ADGRL3: variants seen among roughly 807,000 people sequenced by gnomAD.
The protein encoded by ADGRL3 is adhesion G protein-coupled receptor L3.
In ADGRL3, 62 loss-of-function variants were observed where a neutral mutation model predicts 153.5. The ratio of observed to expected loss-of-function variants is 0.40; its 90% CI spans 0.33 to 0.50. The LOEUF (loss-of-function observed/expected upper bound fraction) is 0.50, where lower values mean the gene tolerates loss of function less well. Ranked by LOEUF, ADGRL3 falls within the 20% of genes least tolerant of loss-of-function variation. The pLI is 0.47. For synonymous variants in ADGRL3, 710 were observed against 672.5 expected, an observed-to-expected ratio of 1.06 and a Z score of -0.86; for missense variants, 1,641 against 1,859.4, an observed-to-expected ratio of 0.88 and a Z score of 2.16.
At chr4:61,318,431 A>G (rs2095282176) in intron 1 of ADGRL3, among the ~76,000 whole-genome samples, 1 of 152,100 alleles carries the variant, frequency 6.6e-6, no homozygotes, top group African/African-American at 2.4e-5. Flanking sequence ...AAAGGGCTAT[A>G]ATATCTGCCT....
chr4:61,840,646 G>A (rs1297079618), intron 9 of ADGRL3, among the ~76,000 whole-genome samples: 1 of 152,044 alleles, frequency 6.6e-6, no homozygotes, highest in African/African-American at 2.4e-5. Flanking sequence ...AAATGTATTT[G>A]TTTGTTTGTT....
rs1274721297 is a variant in ADGRL3 at position 62,076,210 on chromosome 4, A to G, written c.*5302A>G. Reference sequence around the variant, plus strand: ...AGCACTTCTTTCACATCTAGCACCTATAAGTTACTATTCAAATGTCTTGAT... The same window carrying G: ...AGCACTTCTTTCACATCTAGCACCTGTAAGTTACTATTCAAATGTCTTGAT... On this transcript the variant is annotated 3_prime_UTR_variant, in exon 27 of 27. Coordinates refer to ENST00000683033, the MANE Select transcript of ADGRL3 (RefSeq NM_001387552.1). The G allele has an allele frequency of 3.9e-5, 6 of 152,256 alleles. No individual in the cohort carries two copies. The East Asian group carries it at 7.7e-4, about 20-fold the overall frequency. The allele number at this position is 152,256 out of a possible 1,614,324, so 9.4% of individuals were successfully genotyped here. A position where few individuals can be genotyped will look rare whatever the true frequency, so the allele number is the denominator to read the frequency against.
intron 4 of ADGRL3, among the ~76,000 whole-genome samples, chr4:61,576,760 C>T (rs991220223): frequency 2.0e-5 from 3 of 151,424 alleles, no homozygotes; most frequent in Non-Finnish European, 4.4e-5. Flanking sequence ...CTTCTAGTTG[C>T]TACAAACATG....
At chr4:61,571,262 G>T (rs1354727975) in intron 4 of ADGRL3, among the ~76,000 whole-genome samples, 1 of 151,580 alleles carries the variant, frequency 6.6e-6, no homozygotes, top group African/African-American at 2.4e-5. Flanking sequence ...ATCATTTGGG[G>T]CCAGGAGTTT....
chr4:62,062,254 ATC>A (rs769590772), intron 25 of ADGRL3, among the ~76,000 whole-genome samples: 2 of 151,952 alleles, frequency 1.3e-5, no homozygotes, highest in African/African-American at 4.8e-5. Flanking sequence ...TCCATGAAAT[ATC>A]TGTTTATGCT....
chr4:61,551,727 A>C (rs1385299770), intron 4 of ADGRL3, among the ~76,000 whole-genome samples: 2 of 152,166 alleles, frequency 1.3e-5, no homozygotes, highest in African/African-American at 4.8e-5. Flanking sequence ...GTCACAACTG[A>C]ATTTCTGCAA....
At chr4:61,580,700 T>C (rs935664134) in intron 4 of ADGRL3, among the ~76,000 whole-genome samples, 1 of 152,048 alleles carries the variant, frequency 6.6e-6, no homozygotes, top group African/African-American at 2.4e-5. Context: ...GCTTCCAAGG[T>C]GCCTCTCTCA....
At chr4:61,221,333 A>G (rs1392289185) in intron 1 of ADGRL3, among the ~76,000 whole-genome samples, 2 of 152,194 alleles carry the variant, frequency 1.3e-5, no homozygotes, top group African/African-American at 4.8e-5. Context: ...TGTATGAACT[A>G]GGACTCAGTG....
intron 4 of ADGRL3, among the ~76,000 whole-genome samples, chr4:61,535,152 G>A (rs2098647747): frequency 6.6e-6 from 1 of 151,922 alleles, no homozygotes; most frequent in Admixed American, 6.6e-5. Flanking sequence ...ACCAAGAAGG[G>A]ATGTTGGATA....
chr4:61,361,874 C>T lies in ADGRL3; in HGVS notation c.-239-21250C>T, dbSNP rs1292053682. 2.0e-5 allele frequency among the ~76,000 whole-genome samples: 3 copies of T among 146,458 alleles called. No individual in the cohort carries two copies. The East Asian group carries it at 6.0e-4, about 29-fold the overall frequency. On this transcript the variant is annotated intron_variant, in intron 1 of 26. Coordinates refer to ENST00000683033, the MANE Select transcript of ADGRL3 (RefSeq NM_001387552.1). The stretch of plus-strand genomic sequence containing the variant: ...TAAAGTATAAAACATGTATACTCAA[C>T]CATAAAATTGAAGAAAAATATTTAG...
chr4:61,991,816 CCTT>C (rs1484742408), intron 19 of ADGRL3, among the ~76,000 whole-genome samples: 1 of 150,558 alleles, frequency 6.6e-6, no homozygotes, highest in Non-Finnish European at 1.5e-5. Flanking sequence ...TCTCTTCTGT[CCTT>C]CTTTTTTGCC....
At chr4:61,434,469 C>T (rs1286703561) in intron 2 of ADGRL3, among the ~76,000 whole-genome samples, 3 of 151,926 alleles carry the variant, frequency 2.0e-5, no homozygotes, top group Non-Finnish European at 4.4e-5. Context: ...TGGTATTTGA[C>T]TATGAAATTC....
intron 5 of ADGRL3, among the ~76,000 whole-genome samples, chr4:61,651,372 A>G (rs2094242039): frequency 6.6e-6 from 1 of 152,112 alleles, no homozygotes. Context: ...ATTATTTCCT[A>G]AATCAAAAAT....
At chr4:61,505,183 G>A (rs564091868) in intron 3 of ADGRL3, among the ~76,000 whole-genome samples, 1 of 152,196 alleles carries the variant, frequency 6.6e-6, no homozygotes, top group South Asian at 2.1e-4. Flanking sequence ...GTTATAATTT[G>A]CACTTCTCTG....
intron 4 of ADGRL3, among the ~76,000 whole-genome samples, chr4:61,539,373 G>C (rs1381326858): frequency 6.6e-6 from 1 of 152,172 alleles, no homozygotes; most frequent in African/African-American, 2.4e-5. Context: ...CTGGTTATCA[G>C]TACAATTGAC....
chr4:61,894,047 A>G (rs931721157), intron 10 of ADGRL3, among the ~76,000 whole-genome samples: 1 of 152,104 alleles, frequency 6.6e-6, no homozygotes, highest in African/African-American at 2.4e-5. Context: ...CATTCATAAT[A>G]TCTTCACCTG....
At chr4:61,445,486 A>G (rs1231450536) in intron 2 of ADGRL3, among the ~76,000 whole-genome samples, 5 of 152,232 alleles carry the variant, frequency 3.3e-5, no homozygotes, top group Admixed American at 1.3e-4. Flanking sequence ...AAAGAAAAAG[A>G]TGTAATAGGA....
chr4:61,717,129 C>T (rs982406814), intron 6 of ADGRL3, among the ~76,000 whole-genome samples: 6 of 151,922 alleles, frequency 3.9e-5, no homozygotes, highest in African/African-American at 7.3e-5. Flanking sequence ...TTTACCTCCA[C>T]GCTGTTTCCA....
chr4:61,767,363 T>C (rs1331808680), intron 8 of ADGRL3, among the ~76,000 whole-genome samples: 2 of 151,528 alleles, frequency 1.3e-5, no homozygotes, highest in African/African-American at 4.9e-5. Flanking sequence ...TTTTAAGAGG[T>C]TTAGAAGCCT....
Sources: allele counts gnomAD v4.1 joint callset (sites outside exome capture counted in the v4.1 genomes callset), GRCh38; gene constraint gnomAD v4.1.1; transcripts MANE v1.5; gene names NCBI Gene and HGNC (gene_info 2026-07-23, HGNC 2026-07-21).